Variants in MMD2 observed in about 807,000 individuals in gnomAD.
MMD2 encodes monocyte to macrophage differentiation associated 2.
Under a neutral mutation model 33.5 loss-of-function variants are expected in MMD2, and 30 were observed. The observed-to-expected ratio is 0.90, with a 90% CI of 0.67 to 1.22. MMD2 has a LOEUF of 1.22. MMD2 is among the 50% of genes most tolerant of loss of function. The pLI is 0.00. For synonymous variants in MMD2, 129 were observed against 123.0 expected (o/e 1.05, Z -0.32); for missense variants, 364 against 325.4 (o/e 1.12, Z -0.91).
chr7:4,944,530 A>G (rs929415418), intron 1 of MMD2, among the ~76,000 whole-genome samples: 2 of 152,126 alleles, frequency 1.3e-5, no homozygotes, highest in East Asian at 3.9e-4. Flanking sequence ...CACTCCTACT[A>G]TTCCTGCGAA....
intron 4 of MMD2, 121 bp from the exon 5 acceptor site, chr7:4,911,367 G>A (rs1417070367): frequency 1.4e-6 from 1 of 706,312 alleles, no homozygotes; most frequent in Admixed American, 2.6e-5. Flanking sequence ...TGACTCCACG[G>A]CTGGGACATG....
chr7:4,934,214 G>A (rs1464629405), intron 1 of MMD2, among the ~76,000 whole-genome samples: 9 of 152,230 alleles, frequency 5.9e-5, no homozygotes, highest in South Asian at 2.1e-4. Flanking sequence ...ACAGGCGTGA[G>A]CCACTATGCC....
rs1191874296 is a variant in MMD2 at position 4,946,204 on chromosome 7, C to T, written c.47+12767G>A. Among the ~76,000 whole-genome samples, 1 of 151,530 alleles carries T rather than the reference C, an allele frequency of 6.6e-6. No individual in the cohort carries two copies. Among genetic ancestry groups the T allele is most frequent in the African/African-American group, 2.4e-5 (1 of 41,304 alleles). ...ACACACGCGCGCACACCCACACACA[C>T]GCATGCACACACATGCACACATACA... On this transcript the variant is annotated intron_variant, in intron 1 of 6. Transcript: ENST00000401401. This position sits in a 1 kb window ranked among gnomAD's most constrained non-coding sequence, Gnocchi z 5.0.
At chr7:4,908,407 G>A (rs1784919442) in intron 6 of MMD2, among the ~76,000 whole-genome samples, 1 of 151,988 alleles carries the variant, frequency 6.6e-6, no homozygotes, top group Non-Finnish European at 1.5e-5. Context: ...CTCCCAAAGT[G>A]CTGGGATTAT....
chr7:4,908,002 A>G (rs78848992), intron 6 of MMD2, among the ~76,000 whole-genome samples: 3,844 of 151,902 alleles, frequency 0.025, 73 homozygotes, highest in Middle Eastern at 0.054. Flanking sequence ...AGATGGGGGC[A>G]TCTCACTATA....
chr7:4,917,080 A>C (rs1785160475), intron 3 of MMD2, among the ~76,000 whole-genome samples: 1 of 152,074 alleles, frequency 6.6e-6, no homozygotes, highest in Admixed American at 6.6e-5. Context: ...TCAAAAAAAA[A>C]GTGCAAAAAC....
At chr7:4,919,823 G>A (rs1417249394) in intron 3 of MMD2, among the ~76,000 whole-genome samples, 1 of 152,100 alleles carries the variant, frequency 6.6e-6, no homozygotes, top group Non-Finnish European at 1.5e-5. Context: ...TTGAACCCAG[G>A]AGGCGGAGGT....
chr7:4,921,938 T>C (rs1652798411), intron 2 of MMD2, among the ~76,000 whole-genome samples: 1 of 151,494 alleles, frequency 6.6e-6, no homozygotes, highest in African/African-American at 2.4e-5. Context: ...TAAAAAATCA[T>C]TTCTGGCCGG....
chr7:4,955,878 C>G (rs1221320024), intron 1 of MMD2, among the ~76,000 whole-genome samples: 1 of 152,116 alleles, frequency 6.6e-6, no homozygotes, highest in Non-Finnish European at 1.5e-5. Flanking sequence ...TATGGTGAAA[C>G]CCTACCTCTA....
At chr7:4,920,142 G>A (rs575105039) in intron 3 of MMD2, 29 bp downstream of exon 3, 104 of 1,548,772 alleles carry the variant, frequency 6.7e-5, no homozygotes, top group Admixed American at 3.9e-4. Context: ...CCCCCTACCC[G>A]GCATGGGTCC....
At chr7:4,898,502 G>C in the MMD2 span, among the ~76,000 whole-genome samples, 2 of 152,210 alleles carry the variant, frequency 1.3e-5, no homozygotes, top group African/African-American at 2.4e-5. Context: ...GATAGGATAG[G>C]GTAGGGAAGG....
At chr7:4,931,707 G>C (rs1027338324) in intron 1 of MMD2, among the ~76,000 whole-genome samples, 1 of 152,144 alleles carries the variant, frequency 6.6e-6, no homozygotes, top group African/African-American at 2.4e-5. Flanking sequence ...TAAGATTACA[G>C]GTACATGCCA....
chr7:4,939,154 A>G (rs1173744182), intron 1 of MMD2, among the ~76,000 whole-genome samples: 6 of 152,064 alleles, frequency 3.9e-5, no homozygotes, highest in Non-Finnish European at 5.9e-5. Context: ...GTCAGCTGAG[A>G]TCGTGCCACT....
chr7:4,922,438 C>T (rs529208150), intron 2 of MMD2, among the ~76,000 whole-genome samples: 9 of 151,976 alleles, frequency 5.9e-5, no homozygotes, highest in South Asian at 2.1e-4. Flanking sequence ...GGCGTGGTGG[C>T]GCACACCTGT....
chr7:4,911,104 A>G, intron 5 of MMD2, 41 bp downstream of exon 5: 2 of 1,492,850 alleles, frequency 1.3e-6, no homozygotes, highest in Non-Finnish European at 1.8e-6. Flanking sequence ...CAGAGCATCT[A>G]AGGGAATCCC....
chr7:4,958,586 C>G (rs532169412), intron 1 of MMD2, among the ~76,000 whole-genome samples: 31 of 152,272 alleles, frequency 2.0e-4, no homozygotes, highest in South Asian at 4.1e-4. Context: ...CAAGAGAGAC[C>G]GAGCGTAACT....
intron 4 of MMD2, among the ~76,000 whole-genome samples, chr7:4,912,686 T>G (rs763717366): frequency 1.3e-5 from 2 of 151,874 alleles, no homozygotes; most frequent in African/African-American, 2.4e-5. Context: ...GTCCTTTAAG[T>G]TTTTTCTGGA....
At chr7:4,957,553 G>C (rs1436194277) in intron 1 of MMD2, among the ~76,000 whole-genome samples, 5 of 152,012 alleles carry the variant, frequency 3.3e-5, no homozygotes, top group Non-Finnish European at 7.4e-5. Context: ...GAAGGCTGAA[G>C]CAGGAGAATC....
At chr7:4,923,694 T>C (rs949509901) in intron 2 of MMD2, among the ~76,000 whole-genome samples, 4 of 152,254 alleles carry the variant, frequency 2.6e-5, no homozygotes, top group Non-Finnish European at 4.4e-5. Flanking sequence ...CAAGCCTCAG[T>C]TTCCTCCCTT....
Sources: gnomAD v4.1 joint callset for allele counts (sites outside exome capture counted in the v4.1 genomes callset) on GRCh38, gnomAD v4.1.1 for gene constraint, Gnocchi (gnomAD v3.1) non-coding constraint, MANE v1.5 for transcripts, NCBI Gene and HGNC (gene_info 2026-07-23, HGNC 2026-07-21) for gene names.